The following ZNF718 variants were observed in gnomAD, a reference collection of about 807,000 sequenced individuals.
The protein encoded by ZNF718 is zinc finger protein 718.
In ZNF718, 3 loss-of-function variants were observed where a neutral mutation model predicts 2.6. That is an observed-to-expected ratio of 1.16 (90% CI 0.53 to 3.01). The LOEUF (loss-of-function observed/expected upper bound fraction) is 3.01, where lower values mean the gene tolerates loss of function less well. ZNF718 is among the 30% of genes most tolerant of loss of function. The pLI is 0.03. For synonymous variants in ZNF718, 135 were observed against 77.9 expected, an observed-to-expected ratio of 1.73 and a Z score of -3.86; for missense variants, 468 against 230.0, an observed-to-expected ratio of 2.03 and a Z score of -6.69.
At chr4:165,462 A>G (rs1553816612), downstream of ZNF718, among the ~76,000 whole-genome samples, 1 of 152,132 alleles carries the variant, frequency 6.6e-6, no homozygotes, top group African/African-American at 2.4e-5. Flanking sequence ...ATATGAAGAA[A>G]CTCATCCAAA....
At chr4:167,779 C>T (rs1166132954), downstream of ZNF718, among the ~76,000 whole-genome samples, 1 of 152,106 alleles carries the variant, frequency 6.6e-6, no homozygotes, top group Non-Finnish European at 1.5e-5. Context: ...TCTTGATATA[C>T]AATCTTGTCA....
chr4:145,612 G>T (rs1209867000), intron 3 of ZNF718, among the ~76,000 whole-genome samples: 3 of 151,994 alleles, frequency 2.0e-5, no homozygotes, highest in Admixed American at 1.3e-4. Context: ...ACAAGCACAA[G>T]TCTGTCTACT....
chr4:166,443 T>G (rs1363653514), downstream of ZNF718, among the ~76,000 whole-genome samples: 1 of 152,216 alleles, frequency 6.6e-6, no homozygotes, highest in African/African-American at 2.4e-5. Context: ...CCACAATGGT[T>G]GAACTAGTTT....
rs1717404442 is a variant in ZNF718 at position 179,012 on chromosome 4, GAT to G, written c.227-22064_227-22063del. Among the ~76,000 whole-genome samples the G allele has an allele frequency of 4.6e-5, 7 of 152,242 alleles. No homozygotes were observed. In the South Asian group the frequency reaches 1.4e-3, roughly 32 times the overall value. Reference sequence around the variant, plus strand: ...TCCCTATTTTTCTGAACGTTGAAGAGATATATGTCTCACATTTAGGTATTTGG... The same window carrying G: ...TCCCTATTTTTCTGAACGTTGAAGAGATATGTCTCACATTTAGGTATTTGG... On this transcript the variant is annotated intron_variant and NMD_transcript_variant, in intron 3 of 4. Transcript: ENST00000642529.
At chr4:196,079 C>T (rs575900711) in intron 3 of ZNF718, among the ~76,000 whole-genome samples, 10 of 152,062 alleles carry the variant, frequency 6.6e-5, no homozygotes, top group East Asian at 3.9e-4. Context: ...TTACTCAATT[C>T]GCCTTCAACC....
chr4:149,672 T>A (rs1716228044), intron 3 of ZNF718: 1 of 152,200 alleles, frequency 6.6e-6, no homozygotes, highest in African/African-American at 2.4e-5. Context: ...TTTGCCTGTA[T>A]AAATAGTGCC....
At chr4:147,663 A>G (rs1480091716) in intron 3 of ZNF718, among the ~76,000 whole-genome samples, 1 of 152,036 alleles carries the variant, frequency 6.6e-6, no homozygotes, top group Non-Finnish European at 1.5e-5. Flanking sequence ...CAGGAGTTCG[A>G]GACCAGCCTG....
At chr4:169,445 G>T (rs112341549) in intron 3 of ZNF718, among the ~76,000 whole-genome samples, 1,932 of 152,246 alleles carry the variant, frequency 0.013, 48 homozygotes, top group African/African-American at 0.044. Context: ...AATATTGACA[G>T]TGGGGTGTTA....
At chr4:202,214 A>C (rs1248821259) in exon 5 of ZNF718, 1 of 152,238 alleles carries the variant, frequency 6.6e-6, no homozygotes, top group African/African-American at 2.4e-5. Context: ...TCTGCTGCCA[A>C]GTAAGATGTG....
intron 3 of ZNF718, among the ~76,000 whole-genome samples, chr4:186,321 T>C (rs1717565021): frequency 6.6e-6 from 1 of 152,188 alleles, no homozygotes; most frequent in African/African-American, 2.4e-5. Context: ...CCCAATCTCT[T>C]CTGGCTTGTA....
chr4:172,484 CTA>C (rs1380025214), intron 3 of ZNF718, among the ~76,000 whole-genome samples: 2 of 152,126 alleles, frequency 1.3e-5, no homozygotes, highest in Admixed American at 6.6e-5. Context: ...CACTAAAACT[CTA>C]TGTGTGTTAA....
chr4:159,324 C>T (rs2108801652), intron 3 of ZNF718, among the ~76,000 whole-genome samples: 1 of 152,256 alleles, frequency 6.6e-6, no homozygotes, highest in South Asian at 2.1e-4. Context: ...GTCTGAGCCA[C>T]TGTGCCTGGC....
intron 3 of ZNF718, among the ~76,000 whole-genome samples, chr4:191,969 G>C (rs560040618): frequency 2.0e-5 from 3 of 152,268 alleles, no homozygotes; most frequent in African/African-American, 7.2e-5. Context: ...GAGAACCGTG[G>C]AACCCAGGGA....
At chr4:191,738 A>G (rs1717697069) in intron 3 of ZNF718, among the ~76,000 whole-genome samples, 1 of 152,168 alleles carries the variant, frequency 6.6e-6, no homozygotes, top group Non-Finnish European at 1.5e-5. Context: ...TTGAAAAGAA[A>G]AATATTAATT....
At chr4:187,598 C>A (rs1156372501) in intron 3 of ZNF718, among the ~76,000 whole-genome samples, 1 of 152,136 alleles carries the variant, frequency 6.6e-6, no homozygotes, top group African/African-American at 2.4e-5. Context: ...GCAAGGATGG[C>A]AGCATGCACA....
intron 3 of ZNF718, among the ~76,000 whole-genome samples, chr4:189,137 T>G (rs1717640349): frequency 6.6e-6 from 1 of 150,664 alleles, no homozygotes; most frequent in Non-Finnish European, 1.5e-5. Context: ...CTCGGCCCAC[T>G]GCAACCTCTG....
chr4:167,153 G>C (rs1385953285), downstream of ZNF718, among the ~76,000 whole-genome samples: 4 of 152,056 alleles, frequency 2.6e-5, 1 homozygote, highest in Admixed American at 2.6e-4. Flanking sequence ...CAAAGATCAG[G>C]TGGTTGTAGA....
At chr4:191,580 T>C (rs1477811315) in intron 3 of ZNF718, among the ~76,000 whole-genome samples, 1 of 151,982 alleles carries the variant, frequency 6.6e-6, no homozygotes, top group Non-Finnish European at 1.5e-5. Flanking sequence ...AATATATACT[T>C]TACAAGGATG....
chr4:200,853 A>G (rs1276924913), intron 3 of ZNF718, among the ~76,000 whole-genome samples: 1 of 152,244 alleles, frequency 6.6e-6, no homozygotes, highest in Non-Finnish European at 1.5e-5. Context: ...ACAAAACTAA[A>G]TAGCAAATTC....
Sources: allele counts gnomAD v4.1 joint callset (sites outside exome capture counted in the v4.1 genomes callset), GRCh38; gene constraint gnomAD v4.1.1; transcripts MANE v1.5; gene names NCBI Gene and HGNC (gene_info 2026-07-23, HGNC 2026-07-21).